Variants in RGS7 observed in about 807,000 individuals in gnomAD.
RGS7 encodes regulator of G-protein signaling 7.
Under a neutral mutation model 81.1 loss-of-function variants are expected in RGS7, and 27 were observed. That is an observed-to-expected ratio of 0.33 (90% confidence interval 0.25 to 0.46). The LOEUF (loss-of-function observed/expected upper bound fraction) is 0.46, where lower values mean the gene tolerates loss of function less well. Among genes scored for constraint, RGS7 ranks in the 20% least tolerant of loss-of-function variants. RGS7 has a pLI of 1.00. For missense variants in RGS7, 396 were observed against 607.4 expected (o/e 0.65, Z 3.66); for synonymous variants, 208 against 207.7 (o/e 1.00, Z -0.01).
chr1:240,863,169 G>C (rs1662553294), intron 9 of RGS7, among the ~76,000 whole-genome samples: 1 of 152,018 alleles, frequency 6.6e-6, no homozygotes, highest in South Asian at 2.1e-4. Flanking sequence ...CTTAAATATA[G>C]TTTATATATT....
chr1:241,226,179 C>G (rs2075297868), intron 2 of RGS7, among the ~76,000 whole-genome samples: 1 of 152,024 alleles, frequency 6.6e-6, no homozygotes. Flanking sequence ...AGATGTTCTC[C>G]TAGAAAAAGG....
chr1:241,288,910 A>G (rs926776135), intron 2 of RGS7, among the ~76,000 whole-genome samples: 10 of 148,628 alleles, frequency 6.7e-5, no homozygotes, highest in South Asian at 2.4e-4. Flanking sequence ...TTCCTGGAAC[A>G]TGATTATCAC....
intron 2 of RGS7, among the ~76,000 whole-genome samples, chr1:241,202,404 G>A (rs1212572093): frequency 6.6e-6 from 1 of 152,112 alleles, no homozygotes; most frequent in Non-Finnish European, 1.5e-5. Context: ...ACTGACAAAA[G>A]GCAGATTAAC....
intron 10 of RGS7, among the ~76,000 whole-genome samples, chr1:240,820,720 A>T (rs1391599932): frequency 1.4e-4 from 22 of 152,176 alleles, no homozygotes. Context: ...TGAGCTCGCG[A>T]AAGATATTAA....
intron 4 of RGS7, among the ~76,000 whole-genome samples, chr1:240,971,943 T>G (rs1441865627): frequency 6.6e-6 from 1 of 152,202 alleles, no homozygotes; most frequent in Non-Finnish European, 1.5e-5. Context: ...CTTCTACCGC[T>G]TCCCTCTACT....
intron 2 of RGS7, among the ~76,000 whole-genome samples, chr1:241,350,655 C>A (rs7520166): frequency 0.011 from 1,675 of 150,308 alleles, 12 homozygotes; most frequent in Non-Finnish European, 0.017. Flanking sequence ...TACCTATACT[C>A]CCAGCTACTC....
chr1:240,846,388 G>A (rs191952032), intron 9 of RGS7, among the ~76,000 whole-genome samples: 13 of 152,248 alleles, frequency 8.5e-5, no homozygotes, highest in South Asian at 6.2e-4. Flanking sequence ...GAACTCATGC[G>A]CCACAGCTGT....
intron 3 of RGS7, among the ~76,000 whole-genome samples, chr1:241,027,565 TTAGCCTAGCG>T (rs2059856391): frequency 6.6e-6 from 1 of 152,142 alleles, no homozygotes; most frequent in African/African-American, 2.4e-5. Flanking sequence ...TGCTGGTGGC[TTAGCCTAGCG>T]TGATGAAAAG....
intron 2 of RGS7, among the ~76,000 whole-genome samples, chr1:241,211,956 T>G (rs1353681749): frequency 6.6e-6 from 1 of 152,164 alleles, no homozygotes; most frequent in Non-Finnish European, 1.5e-5. Flanking sequence ...ATATCATTAC[T>G]AACAATTACA....
intron 2 of RGS7, among the ~76,000 whole-genome samples, chr1:241,182,648 C>CTT (rs34005010): frequency 8.3e-4 from 98 of 118,178 alleles, no homozygotes; most frequent in African/African-American, 1.5e-3. Flanking sequence ...GCATCTCACG[C>CTT]TTTTTTTTTT....
intron 3 of RGS7, among the ~76,000 whole-genome samples, chr1:241,039,683 C>G (rs2060505331): frequency 1.3e-5 from 2 of 152,040 alleles, no homozygotes; most frequent in Non-Finnish European, 2.9e-5. Context: ...AAATGGGCTG[C>G]TTTCTAGGCC....
At chr1:241,285,352 C>T (rs1251579266) in intron 2 of RGS7, among the ~76,000 whole-genome samples, 1 of 152,170 alleles carries the variant, frequency 6.6e-6, no homozygotes, top group Non-Finnish European at 1.5e-5. Flanking sequence ...TTCCTCATGT[C>T]CTGAGTCCCC....
intron 2 of RGS7, among the ~76,000 whole-genome samples, chr1:241,104,361 C>G (rs773002908): frequency 6.6e-6 from 1 of 152,138 alleles, no homozygotes; most frequent in Non-Finnish European, 1.5e-5. Context: ...TAAGCTCTGT[C>G]TTTGATTTCC....
At chr1:241,187,146 A>G (rs1307616245) in intron 2 of RGS7, among the ~76,000 whole-genome samples, 1 of 152,138 alleles carries the variant, frequency 6.6e-6, no homozygotes, top group Non-Finnish European at 1.5e-5. Flanking sequence ...TTTTTTTTTA[A>G]AGAAGGCAAA....
intron 2 of RGS7, among the ~76,000 whole-genome samples, chr1:241,127,550 G>A (rs962174987): frequency 6.6e-6 from 1 of 152,112 alleles, no homozygotes; most frequent in Admixed American, 6.5e-5. Flanking sequence ...TGTGGCGTGG[G>A]GGGAGCGGGG....
At chr1:240,786,064 T>C (rs1381689044) in intron 18 of RGS7, among the ~76,000 whole-genome samples, 2 of 152,216 alleles carry the variant, frequency 1.3e-5, no homozygotes, top group African/African-American at 2.4e-5. Flanking sequence ...TACATTTAAG[T>C]ACTGGTCACT....
intron 2 of RGS7, among the ~76,000 whole-genome samples, chr1:241,243,171 A>AC (rs2076345418): frequency 6.6e-6 from 1 of 152,212 alleles, no homozygotes; most frequent in African/African-American, 2.4e-5. Context: ...GATGAGTGTC[A>AC]CCTGAACTAT....
chr1:241,094,193 T>A (rs1392105094), intron 3 of RGS7, among the ~76,000 whole-genome samples: 1 of 151,090 alleles, frequency 6.6e-6, no homozygotes, highest in South Asian at 2.1e-4. Flanking sequence ...CACAGGGGCA[T>A]TACCCAGCCC....
At chr1:241,104,506 G>A (rs1183766018) in intron 2 of RGS7, among the ~76,000 whole-genome samples, 1 of 152,202 alleles carries the variant, frequency 6.6e-6, no homozygotes. Context: ...AGGGAAATGA[G>A]ATGGCATTCA....
Sources: gnomAD v4.1 joint callset for allele counts (sites outside exome capture counted in the v4.1 genomes callset) on GRCh38, gnomAD v4.1.1 for gene constraint, MANE v1.5 for transcripts, NCBI Gene and HGNC (gene_info 2026-07-23, HGNC 2026-07-21) for gene names.